Variants in SUMF1 observed in about 807,000 individuals in gnomAD.
SUMF1 encodes the protein sulfatase modifying factor 1.
Under a neutral mutation model 47.6 loss-of-function variants are expected in SUMF1, and 48 were observed. The ratio of observed to expected loss-of-function variants is 1.01; its 90% CI spans 0.80 to 1.28. The LOEUF is 1.28. Ranked by LOEUF, SUMF1 falls within the 50% of genes most tolerant of loss-of-function variation. The pLI, the probability that SUMF1 is intolerant of heterozygous loss-of-function variation, is 0.00. For missense variants in SUMF1, 571 were observed against 485.4 expected, an observed-to-expected ratio of 1.18 and a Z score of -1.66; for synonymous variants, 230 against 192.1, an observed-to-expected ratio of 1.20 and a Z score of -1.63.
intron 8 of SUMF1, among the ~76,000 whole-genome samples, chr3:4,339,089 TC>T (rs1699215528): frequency 6.6e-6 from 1 of 152,300 alleles, no homozygotes; most frequent in Admixed American, 6.5e-5. Flanking sequence ...CTCAGCAATA[TC>T]CCACTACTCC....
intron 8 of SUMF1, among the ~76,000 whole-genome samples, chr3:4,092,019 G>C (rs1312925496): frequency 1.3e-5 from 2 of 152,052 alleles, no homozygotes; most frequent in South Asian, 2.1e-4. Context: ...CATCAGCAAG[G>C]AGTAAAGGAG....
At chr3:4,054,500 G>C (rs1462075252) in intron 9 of SUMF1, among the ~76,000 whole-genome samples, 3 of 152,138 alleles carry the variant, frequency 2.0e-5, no homozygotes, top group African/African-American at 7.2e-5. Context: ...TGAAACTCAT[G>C]CAAATGCTGT....
intron 8 of SUMF1, among the ~76,000 whole-genome samples, chr3:4,286,266 A>G (rs1418700046): frequency 2.0e-5 from 3 of 152,112 alleles, no homozygotes; most frequent in African/African-American, 4.8e-5. Flanking sequence ...AAAATACTAT[A>G]AAGTTAGGGC....
In SUMF1 at chr3:4,346,172, G is replaced by A. The variant is rs1458729175; in HGVS notation, c.1014+30158C>T. 7.9e-5 allele frequency among the ~76,000 whole-genome samples: 12 copies of A among 152,318 alleles called. No individual in the cohort carries two copies. In the East Asian group the frequency reaches 2.3e-3, roughly 29 times the overall value. On this transcript the variant is annotated intron_variant and NMD_transcript_variant, in intron 8 of 12. Transcript: ENST00000448413. ...GGACTTGAACGCAGCTCTGGATCAA[G>A]TGGATCTAGTAGACATCTACAGAAC...
chr3:4,399,489 G>A (rs1701140306), intron 7 of SUMF1, among the ~76,000 whole-genome samples: 1 of 152,086 alleles, frequency 6.6e-6, no homozygotes, highest in Non-Finnish European at 1.5e-5. Flanking sequence ...TTATTGAGTT[G>A]GAATATATAT....
At chr3:4,428,201 G>A (rs1702124978) in intron 3 of SUMF1, among the ~76,000 whole-genome samples, 2 of 152,062 alleles carry the variant, frequency 1.3e-5, no homozygotes, top group Non-Finnish European at 1.5e-5. Context: ...TTACAAAAAT[G>A]TTTGTACAAA....
chr3:4,123,491 T>C lies in SUMF1; in HGVS notation c.1015-54746A>G, dbSNP rs1303020119. Among the ~76,000 whole-genome samples the C allele has an allele frequency of 2.0e-5, 3 of 152,152 alleles. No homozygotes were observed. In the East Asian group the frequency reaches 5.8e-4, roughly 29 times the overall value. ...CTTTTGTCCATAGGAAGCAAGACAT[T>C]TGCCCTAAAACATTGTTTCTTCTAC... is the stretch of plus-strand genomic sequence containing the variant. On this transcript the variant is annotated intron_variant and NMD_transcript_variant, in intron 8 of 12. Transcript: ENST00000448413.
chr3:4,061,051 C>T (rs917085207), intron 9 of SUMF1, among the ~76,000 whole-genome samples: 2 of 152,114 alleles, frequency 1.3e-5, no homozygotes, highest in African/African-American at 2.4e-5. Flanking sequence ...GAGTCTATTC[C>T]TAATCAGTGT....
At chr3:4,423,682 C>T (rs1183900118) in intron 3 of SUMF1, among the ~76,000 whole-genome samples, 2 of 152,044 alleles carry the variant, frequency 1.3e-5, no homozygotes, top group East Asian at 1.9e-4. Flanking sequence ...ATATTTATCC[C>T]CACTCAAATC....
chr3:4,348,602 A>C (rs9860825), intron 8 of SUMF1, among the ~76,000 whole-genome samples: 28,757 of 151,980 alleles, frequency 0.19, 2,877 homozygotes, highest in African/African-American at 0.26. Context: ...CAGTGGCTCA[A>C]GCCTGTAATC....
chr3:4,280,883 A>G (rs1172704863), intron 8 of SUMF1, among the ~76,000 whole-genome samples: 2 of 138,398 alleles, frequency 1.4e-5, no homozygotes, highest in African/African-American at 2.6e-5. Context: ...TCTGTGTCCA[A>G]ACTTCTTTTT....
rs551521275 is a variant in SUMF1 at position 4,278,532 on chromosome 3, A to T, written c.1014+97798T>A. On this transcript the variant is annotated intron_variant and NMD_transcript_variant, in intron 8 of 12. Coordinates refer to the SUMF1 transcript ENST00000448413. ...AAAAAGAACATCCTAAGCTTGCTAA[A>T]CTTTTCTAAAAATCTCTTCATATAT... Among the ~76,000 whole-genome samples, 45 of 152,284 alleles carry T rather than the reference A, an allele frequency of 3.0e-4. No individual in the cohort carries two copies. In the South Asian group the frequency reaches 9.3e-3, roughly 32 times the overall value.
At chr3:4,373,970 A>G (rs1297907632) in intron 8 of SUMF1, among the ~76,000 whole-genome samples, 2 of 149,328 alleles carry the variant, frequency 1.3e-5, no homozygotes, top group African/African-American at 4.9e-5. Flanking sequence ...AAAAGCTCCC[A>G]GCAAAATCTA....
intron 8 of SUMF1, among the ~76,000 whole-genome samples, chr3:4,309,835 C>A (rs978091247): frequency 6.6e-6 from 1 of 152,214 alleles, no homozygotes; most frequent in African/African-American, 2.4e-5. Context: ...CATTAGCTTT[C>A]AGATACAATT....
At chr3:4,244,571 T>C (rs1488416551) in intron 8 of SUMF1, among the ~76,000 whole-genome samples, 1 of 152,226 alleles carries the variant, frequency 6.6e-6, no homozygotes, top group Non-Finnish European at 1.5e-5. Context: ...TTTAAGAATA[T>C]TGAATACTGG....
intron 8 of SUMF1, among the ~76,000 whole-genome samples, chr3:4,234,922 T>C (rs915693556): frequency 2.0e-5 from 3 of 152,142 alleles, no homozygotes; most frequent in Non-Finnish European, 4.4e-5. Flanking sequence ...TGTATGTAGA[T>C]GTGTGTGTGT....
chr3:4,410,212 T>C (rs1453705923), intron 7 of SUMF1, among the ~76,000 whole-genome samples: 1 of 152,220 alleles, frequency 6.6e-6, no homozygotes, highest in Admixed American at 6.5e-5. Flanking sequence ...TCAATTTGTA[T>C]ACATTCTGCT....
At position 4,175,823 on chromosome 3, in the gene SUMF1, A is replaced by G. The variant is rs1694947479; in HGVS notation, c.1015-107078T>C. 2.0e-5 allele frequency among the ~76,000 whole-genome samples: 3 copies of G among 152,250 alleles called. No individual in the cohort carries two copies. In the South Asian group the frequency reaches 6.2e-4, roughly 32 times the overall value. ...TTAGACAAATGGCTAACTAGAATAA[A>G]CAGTGTAGAGAAGACCTTAAATGAC... On this transcript the variant is annotated intron_variant and NMD_transcript_variant, in intron 8 of 12. Coordinates refer to the SUMF1 transcript ENST00000448413.
chr3:4,187,402 T>A (rs1468681285), intron 8 of SUMF1, among the ~76,000 whole-genome samples: 1 of 152,106 alleles, frequency 6.6e-6, no homozygotes, highest in Non-Finnish European at 1.5e-5. Flanking sequence ...CAAGGTCTTG[T>A]GTAGACATTT....
Sources: allele counts gnomAD v4.1 joint callset (sites outside exome capture counted in the v4.1 genomes callset), GRCh38; gene constraint gnomAD v4.1.1; transcripts MANE v1.5; gene names NCBI Gene and HGNC (gene_info 2026-07-23, HGNC 2026-07-21).